TBC1D1: variants seen among roughly 807,000 people sequenced by gnomAD.
TBC1D1 encodes TBC1 (tre-2/USP6, BUB2, cdc16) domain family, member 1.
Under a neutral mutation model 125.6 loss-of-function variants are expected in TBC1D1, and 89 were observed. The ratio of observed to expected loss-of-function variants is 0.71; its 90% CI spans 0.60 to 0.85. The LOEUF is 0.85. Ranked by LOEUF, TBC1D1 falls within the 40% of genes least tolerant of loss-of-function variation. The pLI is 0.00. For missense variants in TBC1D1, 1,377 were observed against 1,469.2 expected, an observed-to-expected ratio of 0.94 and a Z score of 1.03; for synonymous variants, 565 against 564.1, an observed-to-expected ratio of 1.00 and a Z score of -0.02.
chr4:38,061,412 G>C (rs1424228190), intron 12 of TBC1D1, among the ~76,000 whole-genome samples: 3 of 152,104 alleles, frequency 2.0e-5, no homozygotes, highest in African/African-American at 7.2e-5. Flanking sequence ...CAATTTTTAA[G>C]GCAACTCCCA....
intron 8 of TBC1D1, among the ~76,000 whole-genome samples, chr4:38,036,550 A>G (rs553457485): frequency 8.5e-5 from 13 of 152,338 alleles, no homozygotes; most frequent in African/African-American, 3.1e-4. Context: ...ACGTGTTCCA[A>G]AGACACTTGT....
intron 2 of TBC1D1, among the ~76,000 whole-genome samples, chr4:37,992,321 C>A (rs373730808): frequency 2.0e-5 from 3 of 151,922 alleles, no homozygotes; most frequent in African/African-American, 2.4e-5. Context: ...ACCCAAAGAG[C>A]TGAGGGAAAG....
intron 2 of TBC1D1, among the ~76,000 whole-genome samples, chr4:37,979,940 C>T (rs1010116096): frequency 6.6e-5 from 10 of 152,188 alleles, no homozygotes; most frequent in South Asian, 2.1e-4. Context: ...CCACCACCCC[C>T]GCTAATTTTG....
intron 19 of TBC1D1, among the ~76,000 whole-genome samples, chr4:38,133,506 T>G (rs1023363223): frequency 7.9e-5 from 12 of 152,164 alleles, no homozygotes; most frequent in African/African-American, 2.9e-4. Context: ...TTAACTCTTT[T>G]AGGGGACAGG....
At chr4:37,929,097 A>G (rs923234097) in intron 2 of TBC1D1, among the ~76,000 whole-genome samples, 11 of 152,224 alleles carry the variant, frequency 7.2e-5, no homozygotes, top group African/African-American at 2.7e-4. Flanking sequence ...GCCAAACTGC[A>G]TTTAGTAATC....
At chr4:37,910,349 A>G (rs1358244293) in intron 2 of TBC1D1, among the ~76,000 whole-genome samples, 1 of 152,210 alleles carries the variant, frequency 6.6e-6, no homozygotes, top group Non-Finnish European at 1.5e-5. Context: ...CCAATCTGAA[A>G]TGAGATATGC....
intron 11 of TBC1D1, 59 bp downstream of exon 13, chr4:38,053,284 A>C: frequency 7.8e-7 from 1 of 1,283,874 alleles, no homozygotes; most frequent in South Asian, 2.4e-5. Flanking sequence ...ATATCATTAG[A>C]TATACAAGGG....
At chr4:38,084,628 C>A (rs1024890964) in intron 12 of TBC1D1, among the ~76,000 whole-genome samples, 1 of 152,144 alleles carries the variant, frequency 6.6e-6, no homozygotes, top group African/African-American at 2.4e-5. Flanking sequence ...TTGTTGTTAA[C>A]TTTTCTCCAG....
intron 2 of TBC1D1, among the ~76,000 whole-genome samples, chr4:37,957,355 C>T (rs189981186): frequency 2.0e-5 from 3 of 152,340 alleles, no homozygotes; most frequent in African/African-American, 7.2e-5. Flanking sequence ...CACAGTGGCT[C>T]ATGCCTGTAA....
intron 2 of TBC1D1, among the ~76,000 whole-genome samples, chr4:37,918,946 G>A (rs1048446357): frequency 6.6e-6 from 1 of 152,056 alleles, no homozygotes; most frequent in African/African-American, 2.4e-5. Flanking sequence ...CAACATAATT[G>A]CTGAGGACTG....
intron 2 of TBC1D1, among the ~76,000 whole-genome samples, chr4:37,959,045 T>C (rs760967122): frequency 1.3e-5 from 2 of 152,338 alleles, no homozygotes; most frequent in Middle Eastern, 3.4e-3. Context: ...GCTCTGTCAC[T>C]TTCTAGCTAG....
chr4:38,026,571 G>C (rs913849535), intron 6 of TBC1D1, among the ~76,000 whole-genome samples: 11 of 152,358 alleles, frequency 7.2e-5, no homozygotes, highest in African/African-American at 2.6e-4. Context: ...GGCCACCCTG[G>C]TAGGATGAGA....
chr4:37,906,359 G>C (rs13108308), intron 2 of TBC1D1, among the ~76,000 whole-genome samples: 39,936 of 152,082 alleles, frequency 0.26, 5,888 homozygotes, highest in East Asian at 0.39. Context: ...TGTTGGCCAG[G>C]CTGGTCTCGA....
chr4:38,053,296 G>A, intron 11 of TBC1D1, 71 bp downstream of exon 13: 3 of 1,178,534 alleles, frequency 2.5e-6, no homozygotes, highest in Admixed American at 8.2e-5. Context: ...ATACAAGGGT[G>A]TTTTAATTAC....
intron 2 of TBC1D1, among the ~76,000 whole-genome samples, chr4:37,937,211 A>G (rs750306249): frequency 1.1e-4 from 16 of 152,180 alleles, no homozygotes; most frequent in Non-Finnish European, 2.4e-4. Context: ...AGAGTCCCAG[A>G]CAGGAATCCC....
At chr4:38,068,392 C>T (rs1458967897) in intron 12 of TBC1D1, among the ~76,000 whole-genome samples, 1 of 152,104 alleles carries the variant, frequency 6.6e-6, no homozygotes, top group Non-Finnish European at 1.5e-5. Flanking sequence ...CAGGACACTC[C>T]TGCTCGTTTT....
intron 2 of TBC1D1, among the ~76,000 whole-genome samples, chr4:37,913,326 C>T (rs993159704): frequency 6.6e-6 from 1 of 152,118 alleles, no homozygotes; most frequent in Non-Finnish European, 1.5e-5. Flanking sequence ...GGGCTGGGCA[C>T]GGTGGCTCAG....
Position 38,014,956 on chromosome 4 carries a change from C to T in TBC1D1, c.865C>T (p.Arg289Ter). The T allele has an allele frequency of 6.5e-7, 1 of 1,545,342 alleles. No individual in the cohort carries two copies. Among genetic ancestry groups the T allele is most frequent in the South Asian group, 1.2e-5 (1 of 82,192 alleles). ...GCAGCCCACAGATATCGAGGAAAATCGAACTATGCTCTTCACGGTAAAATA... is the reference window on the plus strand; with the variant it reads ...GCAGCCCACAGATATCGAGGAAAATTGAACTATGCTCTTCACGGTAAAATA... Residue 289 changes from arginine to a stop codon, truncating the protein, a stop_gained, in exon 3 of 20, where the codon CGA becomes TGA. Coordinates refer to ENST00000261439, the MANE Select transcript of TBC1D1 (RefSeq NM_015173.4). LOFTEE classifies it high-confidence loss of function. This position sits in a 1 kb window ranked among gnomAD's most constrained non-coding sequence, Gnocchi z 5.1.
chr4:38,078,777 A>G (rs551616466), intron 12 of TBC1D1, among the ~76,000 whole-genome samples: 10 of 152,298 alleles, frequency 6.6e-5, no homozygotes, highest in African/African-American at 1.4e-4. Context: ...CCCAGTCCCT[A>G]TGATTTTATT....
Sources: gnomAD v4.1 joint callset for allele counts (sites outside exome capture counted in the v4.1 genomes callset) on GRCh38, gnomAD v4.1.1 for gene constraint, Gnocchi (gnomAD v3.1) non-coding constraint, MANE v1.5 for transcripts, NCBI Gene and HGNC (gene_info 2026-07-23, HGNC 2026-07-21) for gene names.